Variants in WDR64 observed in about 807,000 individuals in gnomAD.
The protein encoded by WDR64 is WD repeat domain 64.
Under a neutral mutation model 139.3 loss-of-function variants are expected in WDR64, and 112 were observed. The ratio of observed to expected loss-of-function variants is 0.80; its 90% CI spans 0.69 to 0.94. The LOEUF (loss-of-function observed/expected upper bound fraction) is 0.94. WDR64 is among the 40% of genes least tolerant of loss of function. The probability of loss-of-function intolerance (pLI) is 0.00; values close to 1 mark genes in which losing one functional copy is unlikely to be tolerated. For synonymous variants in WDR64, 444 were observed against 437.7 expected (o/e 1.01, Z -0.18); for missense variants, 1,206 against 1,293.1 (o/e 0.93, Z 1.03).
At chr1:241,784,888 A>G (rs1658977525) in intron 23 of WDR64, among the ~76,000 whole-genome samples, 2 of 138,600 alleles carry the variant, frequency 1.4e-5, no homozygotes, top group Non-Finnish European at 3.0e-5. Flanking sequence ...TGGGAGGCGG[A>G]GATTGTAGTG....
chr1:241,789,483 T>G (rs566241680), intron 24 of WDR64, among the ~76,000 whole-genome samples: 1 of 152,332 alleles, frequency 6.6e-6, no homozygotes, highest in Admixed American at 6.5e-5. Flanking sequence ...AACCTAGGTA[T>G]GCATCAGTGG....
At chr1:241,652,790 A>G (rs1400714805) in intron 1 of WDR64, among the ~76,000 whole-genome samples, 161 bp downstream of exon 1, 4 of 152,220 alleles carry the variant, frequency 2.6e-5, no homozygotes, top group African/African-American at 9.6e-5. Flanking sequence ...CCTAAATAAC[A>G]AAGCGGACAT....
At chr1:241,785,291 A>G (rs868175983) in intron 23 of WDR64, among the ~76,000 whole-genome samples, 8 of 152,302 alleles carry the variant, frequency 5.3e-5, no homozygotes, top group South Asian at 2.1e-4. Flanking sequence ...GAAGTCTGGG[A>G]TGTGCAAGAT....
rs138513526 is a variant in WDR64 at position 241,784,976 on chromosome 1, A to AAAAAAAAAAAAG, written c.2705+1595_2705+1596insAAAAAAAAAAAG. On this transcript the variant is annotated intron_variant, in intron 23 of 27. Transcript: ENST00000437684. ...CTGAAAAAAAAAAAAAAAAAAAAAA[A>AAAAAAAAAAAAG]GAAAGGACATCTGCTGTTTTATTTG... Among the ~76,000 whole-genome samples the AAAAAAAAAAAAG allele has an allele frequency of 1.6e-4, 16 of 98,462 alleles. 3 individuals are homozygous for AAAAAAAAAAAAG. Among genetic ancestry groups the AAAAAAAAAAAAG allele is most frequent in the South Asian group, 3.6e-4 (1 of 2,744 alleles). The allele number at this position is 98,462 out of a possible 152,430, so 64.6% of individuals were successfully genotyped here.
At chr1:241,738,104 T>C (rs888095602) in intron 10 of WDR64, among the ~76,000 whole-genome samples, 2 of 152,216 alleles carry the variant, frequency 1.3e-5, no homozygotes, top group Admixed American at 6.5e-5. Flanking sequence ...GTTCCTTCCC[T>C]ATAATGATAG....
At chr1:241,689,286 A>G (rs760367768) in intron 8 of WDR64, among the ~76,000 whole-genome samples, 1 of 137,990 alleles carries the variant, frequency 7.2e-6, no homozygotes, top group Non-Finnish European at 1.6e-5. Flanking sequence ...AAAAGGCACA[A>G]AACAGATTGT....
chr1:241,772,950 T>C lies in WDR64; in HGVS notation c.2430+19T>C. ...TCTGGAGGTAATGGAACCCAGCAAG[T>C]CTGGGAATAGGAAAGAATGGGAAAG... On this transcript the variant is annotated intron_variant, in intron 20 of 27. Transcript: ENST00000437684. 2 of 1,544,736 alleles carry C rather than the reference T, an allele frequency of 1.3e-6. No individual in the cohort carries two copies. The highest frequency in any genetic ancestry group is 1.7e-6 in the Non-Finnish European group (2 of 1,143,512).
intron 20 of WDR64, among the ~76,000 whole-genome samples, chr1:241,773,239 A>G (rs1052268269): frequency 6.6e-6 from 1 of 152,178 alleles, no homozygotes; most frequent in Non-Finnish European, 1.5e-5. Flanking sequence ...ACTGGGATAG[A>G]TACCTGCATA....
chr1:241,738,528 T>C, intron 11 of WDR64, 39 bp downstream of exon 11: 1 of 1,575,242 alleles, frequency 6.3e-7, no homozygotes, highest in Non-Finnish European at 8.6e-7. Flanking sequence ...AACTCATGTC[T>C]TGATTTTTAA....
At chr1:241,736,601 C>T (rs1669336663) in intron 10 of WDR64, among the ~76,000 whole-genome samples, 1 of 151,986 alleles carries the variant, frequency 6.6e-6, no homozygotes, top group South Asian at 2.1e-4. Flanking sequence ...GCAAAAAACC[C>T]TAGAGGGTAG....
Position 241,733,974 on chromosome 1 carries a change from C to G in WDR64, c.1195-4389C>G, listed in dbSNP as rs748693079. Among the ~76,000 whole-genome samples, 2 of 152,188 alleles carry G rather than the reference C, an allele frequency of 1.3e-5. 1 individual carries two copies. The highest frequency in any genetic ancestry group is 2.9e-5 in the Non-Finnish European group (2 of 68,022). On this transcript the variant is annotated intron_variant, in intron 10 of 27. Transcript: ENST00000437684. ...AAAGAAGACTAGAGCTTAATTAATA[C>G]GTGAAGGGAAAGTAAGCCTTGGGGG...
rs1394443156 is a variant in WDR64, at chr1:241,670,209, TAAG to T, written c.277-862_277-860del. 1.1e-4 allele frequency among the ~76,000 whole-genome samples: 16 copies of T among 152,354 alleles called. No homozygotes were observed. The East Asian group carries it at 2.1e-3, about 20-fold the overall frequency. ...TATAATTCGACAGTTTATTCACAAA[TAAG>T]AACTCTTTTCTTCCTCACAATTTTT... On this transcript the variant is annotated intron_variant, in intron 2 of 27. Coordinates refer to ENST00000437684, the MANE Select transcript of WDR64 (RefSeq NM_001367482.1).
At chr1:241,790,544 G>T in intron 24 of WDR64, 47 bp from the exon 25 acceptor site, 1 of 1,480,858 alleles carries the variant, frequency 6.8e-7, no homozygotes, top group South Asian at 1.2e-5. Flanking sequence ...AGTTGGCAGA[G>T]AATAAAAGGT....
intron 14 of WDR64, among the ~76,000 whole-genome samples, chr1:241,754,228 T>C (rs2148270491): frequency 6.6e-6 from 1 of 152,098 alleles, no homozygotes; most frequent in East Asian, 1.9e-4. Flanking sequence ...TAGTGGTAAA[T>C]AGTTTTCATA....
intron 24 of WDR64, among the ~76,000 whole-genome samples, 185 bp downstream of exon 24, chr1:241,788,219 A>C (rs1438023295): frequency 1.3e-5 from 2 of 152,206 alleles, no homozygotes; most frequent in Non-Finnish European, 2.9e-5. Flanking sequence ...GGAACATCTG[A>C]TTCTTAAGAC....
rs933349795 is a variant in WDR64 at position 241,801,640 on chromosome 1, G to T, written c.*425G>T. On this transcript the variant is annotated 3_prime_UTR_variant, in exon 28 of 28. Transcript: ENST00000437684. ...GTTGTACAAAAAGAATTATTAAAAA[G>T]AAAAATGTACCAGTCAGATCTCTAG... 5.0e-6 allele frequency: 2 copies of T among 398,922 alleles called. No homozygotes were observed. The highest frequency in any genetic ancestry group is 8.8e-5 in the Admixed American group (2 of 22,774). 24.7% of individuals were successfully genotyped at this position (398,922 alleles called of 1,614,324 possible). A position where few individuals can be genotyped will look rare whatever the true frequency, so the allele number is the denominator to read the frequency against.
chr1:241,777,504 G>A (rs1004939210), intron 21 of WDR64, among the ~76,000 whole-genome samples: 2 of 150,094 alleles, frequency 1.3e-5, no homozygotes, highest in South Asian at 2.1e-4. Context: ...CCCAATCTTC[G>A]CCTCCCAGGT....
At chr1:241,762,536 C>T (rs1334496587) in intron 15 of WDR64, among the ~76,000 whole-genome samples, 6 of 151,924 alleles carry the variant, frequency 3.9e-5, no homozygotes, top group South Asian at 2.1e-4. Context: ...GTTTTTTTAA[C>T]GAGGATCTTC....
intron 2 of WDR64, among the ~76,000 whole-genome samples, chr1:241,666,152 G>A (rs1378780577): frequency 6.6e-6 from 1 of 152,020 alleles, no homozygotes; most frequent in African/African-American, 2.4e-5. Context: ...CACTCTAATA[G>A]TCATAATATA....
Sources: gnomAD v4.1 joint callset for allele counts (sites outside exome capture counted in the v4.1 genomes callset) on GRCh38, gnomAD v4.1.1 for gene constraint, MANE v1.5 for transcripts, NCBI Gene and HGNC (gene_info 2026-07-23, HGNC 2026-07-21) for gene names.